IQCM: variants seen among roughly 807,000 people sequenced by gnomAD.
IQCM encodes the protein IQ motif containing M, also known as IQ domain-containing protein M.
A neutral mutation model predicts 57.6 loss-of-function variants in IQCM; 45 were observed. The ratio of observed to expected loss-of-function variants is 0.78; its 90% CI spans 0.62 to 1.00. The LOEUF (loss-of-function observed/expected upper bound fraction) is 1.00, where lower values mean the gene tolerates loss of function less well. IQCM is among the 50% of genes least tolerant of loss of function. IQCM has a pLI of 0.00. For missense variants in IQCM, 468 were observed against 511.6 expected (o/e 0.91, Z 0.82); for synonymous variants, 148 against 158.9 (o/e 0.93, Z 0.51).
intron 8 of IQCM, among the ~76,000 whole-genome samples, chr4:149,609,514 T>A (rs951905053): frequency 2.0e-5 from 3 of 151,660 alleles, no homozygotes; most frequent in Admixed American, 6.6e-5. Context: ...CAAAATTCAA[T>A]AATACATTAA....
At chr4:149,715,509 G>A (rs745548891) in intron 5 of IQCM, among the ~76,000 whole-genome samples, 25 of 152,102 alleles carry the variant, frequency 1.6e-4, no homozygotes, top group Non-Finnish European at 3.7e-4. Context: ...TCCTAGGTCT[G>A]GGCTCCCTGA....
At chr4:149,491,712 G>T (rs1742116123) in intron 12 of IQCM, among the ~76,000 whole-genome samples, 1 of 152,060 alleles carries the variant, frequency 6.6e-6, no homozygotes, top group South Asian at 2.1e-4. Flanking sequence ...ATGCTGTAAT[G>T]AACATGGGGT....
At chr4:149,738,944 C>A (rs899557287) in intron 3 of IQCM, among the ~76,000 whole-genome samples, 1 of 152,160 alleles carries the variant, frequency 6.6e-6, no homozygotes, top group African/African-American at 2.4e-5. Flanking sequence ...ATCTATCCCA[C>A]AAATGAGTCT....
chr4:149,812,771 C>T (rs1197146422), intron 2 of IQCM, among the ~76,000 whole-genome samples: 2 of 152,116 alleles, frequency 1.3e-5, no homozygotes, highest in African/African-American at 2.4e-5. Context: ...TACTTACTCT[C>T]GGCCTTCAGT....
chr4:149,612,054 G>A (rs139820008), intron 8 of IQCM, among the ~76,000 whole-genome samples: 173 of 151,592 alleles, frequency 1.1e-3, no homozygotes, highest in African/African-American at 4.0e-3. Context: ...ATGGTGGAAG[G>A]TGAAGGGAAG....
chr4:149,648,657 C>G (rs1257834354), intron 7 of IQCM, among the ~76,000 whole-genome samples: 1 of 152,070 alleles, frequency 6.6e-6, no homozygotes, highest in East Asian at 1.9e-4. Context: ...GACAAAAAAC[C>G]AAACACCGCA....
intron 5 of IQCM, among the ~76,000 whole-genome samples, chr4:149,707,978 T>C (rs139824081): frequency 5.1e-4 from 77 of 152,162 alleles, no homozygotes; most frequent in African/African-American, 1.5e-3. Flanking sequence ...TTGTGTGATG[T>C]TTGCAATCTT....
intron 4 of IQCM, among the ~76,000 whole-genome samples, chr4:149,734,919 A>C (rs1766795631): frequency 6.6e-6 from 1 of 152,178 alleles, no homozygotes; most frequent in African/African-American, 2.4e-5. Context: ...TATGCCCTCA[A>C]GGATCTATCA....
At chr4:149,592,011 C>CT (rs1366612836) in intron 8 of IQCM, among the ~76,000 whole-genome samples, 1 of 152,090 alleles carries the variant, frequency 6.6e-6, no homozygotes, top group Non-Finnish European at 1.5e-5. Flanking sequence ...AGTTCTAGAT[C>CT]TTTGAGGAAT....
chr4:149,731,305 C>T (rs1766436559), intron 5 of IQCM, among the ~76,000 whole-genome samples: 3 of 152,104 alleles, frequency 2.0e-5, no homozygotes, highest in Admixed American at 6.6e-5. Context: ...CCATCCCTTC[C>T]ACCATGTGAA....
intron 13 of IQCM, among the ~76,000 whole-genome samples, chr4:149,373,452 T>G (rs1578837609): frequency 6.6e-6 from 1 of 152,136 alleles, no homozygotes. Flanking sequence ...GATGTTACTA[T>G]CATAGTTCTC....
At chr4:149,389,347 G>A (rs1348320441) in intron 13 of IQCM, among the ~76,000 whole-genome samples, 2 of 151,936 alleles carry the variant, frequency 1.3e-5, no homozygotes, top group East Asian at 3.9e-4. Context: ...TTATTGATAT[G>A]ACTATCTTTA....
intron 13 of IQCM, among the ~76,000 whole-genome samples, chr4:149,376,744 CAT>C (rs1330703820): frequency 1.1e-4 from 16 of 152,134 alleles, no homozygotes; most frequent in East Asian, 1.9e-4. Flanking sequence ...AAAAATTAAA[CAT>C]ATTTTTTGGG....
intron 5 of IQCM, among the ~76,000 whole-genome samples, chr4:149,697,539 A>T (rs936884898): frequency 6.6e-5 from 10 of 152,084 alleles, no homozygotes; most frequent in Non-Finnish European, 1.2e-4. Flanking sequence ...ACGTGCCATA[A>T]ATCAGGCTTT....
chr4:149,382,844 C>T (rs1731170205), intron 13 of IQCM, among the ~76,000 whole-genome samples: 2 of 152,080 alleles, frequency 1.3e-5, no homozygotes, highest in South Asian at 2.1e-4. Context: ...CACCCTGAGG[C>T]TCTGATACAT....
At chr4:149,691,982 T>C (rs1032578263) in intron 5 of IQCM, among the ~76,000 whole-genome samples, 2 of 152,192 alleles carry the variant, frequency 1.3e-5, no homozygotes, top group Non-Finnish European at 2.9e-5. Context: ...AGGAAAGATA[T>C]GGAAGAATGT....
intron 10 of IQCM, among the ~76,000 whole-genome samples, chr4:149,554,060 T>C (rs921807160): frequency 6.6e-6 from 1 of 152,186 alleles, no homozygotes; most frequent in Non-Finnish European, 1.5e-5. Context: ...TTTAGATTTA[T>C]TTTCCTGTTC....
chr4:149,622,981 C>T (rs540898885), intron 7 of IQCM, among the ~76,000 whole-genome samples: 15 of 152,132 alleles, frequency 9.9e-5, no homozygotes, highest in African/African-American at 3.1e-4. Flanking sequence ...ATTAGCAATG[C>T]GAATAAGGTA....
At chr4:149,425,615 A>T (rs529311487) in intron 13 of IQCM, among the ~76,000 whole-genome samples, 1 of 152,150 alleles carries the variant, frequency 6.6e-6, no homozygotes, top group African/African-American at 2.4e-5. Flanking sequence ...TCAACAGATT[A>T]GATGATGACC....
Sources: gnomAD v4.1 joint callset for allele counts (sites outside exome capture counted in the v4.1 genomes callset) on GRCh38, gnomAD v4.1.1 for gene constraint, MANE v1.5 for transcripts, NCBI Gene and HGNC (gene_info 2026-07-23, HGNC 2026-07-21) for gene names.